The following CLTB variants were observed in gnomAD, a reference collection of about 807,000 sequenced individuals.
CLTB encodes clathrin light chain B, also known as clathrin, light chain (Lcb).
A neutral mutation model predicts 30.5 loss-of-function variants in CLTB; 10 were observed. The ratio of observed to expected loss-of-function variants is 0.33; its 90% confidence interval spans 0.20 to 0.56. CLTB has a LOEUF of 0.56. Among genes scored for constraint, CLTB ranks in the 20% least tolerant of loss-of-function variants. The probability of loss-of-function intolerance (pLI) is 0.91; values close to 1 mark genes in which losing one functional copy is unlikely to be tolerated. For synonymous variants in CLTB, 102 were observed against 120.3 expected (o/e 0.85, Z 1.00); for missense variants, 261 against 308.3 (o/e 0.85, Z 1.15).
intron 4 of CLTB, among the ~76,000 whole-genome samples, chr5:176,396,899 A>T (rs1052018964): frequency 6.6e-6 from 1 of 151,834 alleles, no homozygotes; most frequent in Non-Finnish European, 1.5e-5. Context: ...GTTGCCTAAT[A>T]CATCACATTT....
intron 1 of CLTB, among the ~76,000 whole-genome samples, chr5:176,414,456 G>A (rs571847829): frequency 6.1e-4 from 91 of 149,136 alleles, no homozygotes; most frequent in African/African-American, 2.2e-3. Context: ...TTTTGAGACA[G>A]GGTCTCACTC....
chr5:176,410,495 C>T (rs1287881787), intron 1 of CLTB, among the ~76,000 whole-genome samples, 192 bp from the exon 2 acceptor site: 1 of 152,188 alleles, frequency 6.6e-6, no homozygotes, highest in Non-Finnish European at 1.5e-5. Context: ...AAGCCTCTCA[C>T]AGCCATTAGT....
Position 176,416,482 on chromosome 5 carries a change from G to A in CLTB, c.-119C>T, listed in dbSNP as rs544590649. The A allele has an allele frequency of 6.8e-6, 6 of 885,604 alleles. No homozygotes were observed. The South Asian group carries it at 1.9e-4, about 29-fold the overall frequency. The allele number at this position is 885,604 out of a possible 1,614,324, so 54.9% of individuals were successfully genotyped here. ...CCGCGGGGGAGCCGGCGTCGGCGGG[G>A]ACGGGCTTGGCGCGGACCGCACTTC... On this transcript the variant is annotated 5_prime_UTR_variant, in exon 1 of 6. Coordinates refer to ENST00000310418, the MANE Select transcript of CLTB (RefSeq NM_007097.5).
At position 176,396,950 on chromosome 5, in the gene CLTB, GCCCTTTTTT is replaced by G. The variant is rs143712254; in HGVS notation, c.465-427_465-419del. 5.5e-3 allele frequency among the ~76,000 whole-genome samples: 831 copies of G among 151,958 alleles called. 4 individuals carry two copies. Among genetic ancestry groups the G allele is most frequent in the African/African-American group, 0.019 (779 of 41,414 alleles). Reference sequence around the variant, plus strand: ...GGTCTAGAATGCCCCCCTACCTCCTGCCCTTTTTTCCCTTTTTTCCTCCTAGTCATCTTC... The same window carrying G: ...GGTCTAGAATGCCCCCCTACCTCCTGCCCTTTTTTCCTCCTAGTCATCTTC... On this transcript the variant is annotated intron_variant, in intron 4 of 5. Coordinates refer to ENST00000310418, the MANE Select transcript of CLTB (RefSeq NM_007097.5).
intron 2 of CLTB, among the ~76,000 whole-genome samples, chr5:176,404,020 G>A (rs943369214): frequency 2.0e-5 from 3 of 152,200 alleles, no homozygotes; most frequent in African/African-American, 4.8e-5. Context: ...CTCCCAAAGT[G>A]CTGGGATTAC....
rs1328356361 is a variant in CLTB, at chr5:176,416,496, G to C, written c.-133C>G. On this transcript the variant is annotated 5_prime_UTR_variant, in exon 1 of 6. Transcript: ENST00000310418. Reference sequence around the variant, plus strand: ...GCGTCGGCGGGGACGGGCTTGGCGCGGACCGCACTTCCTCTCCGCCACCGG... The same window carrying C: ...GCGTCGGCGGGGACGGGCTTGGCGCCGACCGCACTTCCTCTCCGCCACCGG... The C allele has an allele frequency of 1.0e-5, 7 of 698,202 alleles. No homozygotes were observed. Among genetic ancestry groups the C allele is most frequent in the African/African-American group, 3.8e-5 (2 of 52,290 alleles). The allele number at this position is 698,202 out of a possible 1,614,324, so 43.3% of individuals were successfully genotyped here.
intron 2 of CLTB, among the ~76,000 whole-genome samples, chr5:176,398,999 C>T (rs1756684597): frequency 6.6e-6 from 1 of 151,914 alleles, no homozygotes; most frequent in Admixed American, 6.6e-5. Context: ...CACGTCACGA[C>T]ACCCGGCTAA....
rs751472351 is a variant in CLTB, at chr5:176,416,274, C to G, written c.90G>C (p.Gln30His). 6.2e-7 allele frequency: 1 copy of G among 1,606,748 alleles called. No individual in the cohort carries two copies. Among genetic ancestry groups the G allele is most frequent in the South Asian group, 1.1e-5 (1 of 90,716 alleles). ...CTATGCCTGCAATCTCGCTCTCCTG[C>G]TGGGCCAGGAAGGCGGCCGCCGGGT... is the stretch of plus-strand genomic sequence containing the variant. ...EEDPAAAFLA[Q>H]QESEIAGIEN... Residue 30 changes from glutamine to histidine, a missense_variant, in exon 1 of 6, where the codon CAG (glutamine) becomes CAC (histidine). Coordinates refer to ENST00000310418, the MANE Select transcript of CLTB (RefSeq NM_007097.5).
chr5:176,412,853 T>C (rs543940036), intron 1 of CLTB, among the ~76,000 whole-genome samples: 1 of 152,242 alleles, frequency 6.6e-6, no homozygotes, highest in Non-Finnish European at 1.5e-5. Flanking sequence ...GCAAAGGGGC[T>C]TCTTCTGCTG....
At chr5:176,409,201 T>G (rs922467684) in intron 2 of CLTB, among the ~76,000 whole-genome samples, 1 of 149,108 alleles carries the variant, frequency 6.7e-6, no homozygotes, top group African/African-American at 2.5e-5. Flanking sequence ...GTCTCAATCT[T>G]CCAACCTCAT....
Position 176,392,965 on chromosome 5 carries a change from G to T in CLTB, c.519-20C>A. 6.2e-7 allele frequency: 1 copy of T among 1,613,884 alleles called. No homozygotes were observed. The highest frequency in any genetic ancestry group is 1.1e-5 in the South Asian group (1 of 91,072). ...GATGCCCTGCGGGTGGAGATAGGACGGGCTTTTATAGCAGTCTGCTTTCCC... is the reference window on the plus strand; with the variant it reads ...GATGCCCTGCGGGTGGAGATAGGACTGGCTTTTATAGCAGTCTGCTTTCCC... On this transcript the variant is annotated intron_variant, in intron 5 of 5. Transcript: ENST00000310418. The surrounding 1 kb of genome is among the most constrained non-coding windows in gnomAD (Gnocchi z 5.2).
intron 2 of CLTB, among the ~76,000 whole-genome samples, chr5:176,399,776 T>C (rs1756721130): frequency 6.7e-6 from 1 of 149,480 alleles, no homozygotes; most frequent in South Asian, 2.1e-4. Context: ...CTTAGGAGTC[T>C]GGGACTTGGG....
At chr5:176,396,330 C>G (rs1756519073) in intron 5 of CLTB, 149 bp downstream of exon 5, 1 of 737,190 alleles carries the variant, frequency 1.4e-6, no homozygotes, top group African/African-American at 1.7e-5. Context: ...TGGTTGCTGC[C>G]TGCACCCACC....
At chr5:176,397,540 C>T in intron 4 of CLTB, 67 bp downstream of exon 4, 2 of 493,254 alleles carry the variant, frequency 4.1e-6, no homozygotes, top group South Asian at 2.0e-5. Context: ...GTCCCCACGG[C>T]CCCCTCATGT....
intron 5 of CLTB, 55 bp downstream of exon 5, chr5:176,396,422 CTG>C (rs1756521624): frequency 2.8e-6 from 4 of 1,418,830 alleles, no homozygotes; most frequent in African/African-American, 1.4e-5. Context: ...ACTCAAGAAA[CTG>C]TGGTGGCCAT....
At chr5:176,415,804 G>C (rs571496551) in intron 1 of CLTB, among the ~76,000 whole-genome samples, 3 of 152,314 alleles carry the variant, frequency 2.0e-5, no homozygotes, top group African/African-American at 7.2e-5. Context: ...GGGGCCAGGA[G>C]GGCTGTGTTC....
At chr5:176,413,811 C>T (rs1426842827) in intron 1 of CLTB, among the ~76,000 whole-genome samples, 1 of 152,250 alleles carries the variant, frequency 6.6e-6, no homozygotes, top group Non-Finnish European at 1.5e-5. Context: ...CTCAACACCT[C>T]CCTGCTCCCC....
At chr5:176,403,147 T>C (rs1035691135) in intron 2 of CLTB, among the ~76,000 whole-genome samples, 1 of 151,344 alleles carries the variant, frequency 6.6e-6, no homozygotes, top group African/African-American at 2.4e-5. Flanking sequence ...CCTCCTGGGT[T>C]CAAGCGATTC....
chr5:176,415,942 G>A (rs1757670085), intron 1 of CLTB, among the ~76,000 whole-genome samples: 1 of 152,194 alleles, frequency 6.6e-6, no homozygotes, highest in Non-Finnish European at 1.5e-5. Context: ...GCCTGGGGAT[G>A]AAATGTCATG....
Sources: gnomAD v4.1 joint callset for allele counts (sites outside exome capture counted in the v4.1 genomes callset) on GRCh38, gnomAD v4.1.1 for gene constraint, Gnocchi (gnomAD v3.1) non-coding constraint, MANE v1.5 for transcripts, NCBI Gene and HGNC (gene_info 2026-07-23, HGNC 2026-07-21) for gene names.